DKK2: variants seen among roughly 807,000 people sequenced by gnomAD.
DKK2 encodes the protein dickkopf-related protein 2.
DKK2 carries 11 observed loss-of-function variants against 28.1 expected under a neutral mutation model. That is an observed-to-expected ratio of 0.39 (90% CI 0.25 to 0.65). DKK2 has a LOEUF of 0.65. Ranked by LOEUF, DKK2 falls within the 30% of genes least tolerant of loss-of-function variation. The pLI is 0.47. For synonymous variants in DKK2, 135 were observed against 126.5 expected, an observed-to-expected ratio of 1.07 and a Z score of -0.45; for missense variants, 326 against 335.5, an observed-to-expected ratio of 0.97 and a Z score of 0.22.
intron 1 of DKK2, among the ~76,000 whole-genome samples, chr4:107,021,311 T>C (rs1477860798): frequency 1.3e-5 from 2 of 152,046 alleles, no homozygotes; most frequent in African/African-American, 2.4e-5. Flanking sequence ...GATGTTTTTA[T>C]GGCCCTAAAG....
At chr4:106,981,554 C>T (rs1412786503) in intron 1 of DKK2, among the ~76,000 whole-genome samples, 3 of 152,102 alleles carry the variant, frequency 2.0e-5, no homozygotes, top group Non-Finnish European at 4.4e-5. Flanking sequence ...AACTATAATG[C>T]CAAATTAGTC....
intron 1 of DKK2, among the ~76,000 whole-genome samples, chr4:106,980,833 A>C (rs1358144772): frequency 6.6e-6 from 1 of 152,194 alleles, no homozygotes; most frequent in Non-Finnish European, 1.5e-5. Context: ...GAGAATGAAC[A>C]ATCTATAAAG....
intron 1 of DKK2, among the ~76,000 whole-genome samples, chr4:106,949,539 G>C (rs1431956160): frequency 6.6e-6 from 1 of 152,166 alleles, no homozygotes; most frequent in Non-Finnish European, 1.5e-5. Context: ...AAGCAAGAGA[G>C]AATATTTTGT....
intron 1 of DKK2, among the ~76,000 whole-genome samples, chr4:106,926,734 T>C (rs1331971652): frequency 6.6e-6 from 1 of 152,108 alleles, no homozygotes; most frequent in African/African-American, 2.4e-5. Context: ...TACCTAGGGG[T>C]ATGTCCAGAA....
At chr4:106,966,360 C>T (rs114110488) in intron 1 of DKK2, among the ~76,000 whole-genome samples, 3,966 of 152,166 alleles carry the variant, frequency 0.026, 62 homozygotes, top group Non-Finnish European at 0.037. Context: ...AGTTTACAGA[C>T]AAGTGTGTAA....
At chr4:106,939,554 A>G (rs1724658872) in intron 1 of DKK2, among the ~76,000 whole-genome samples, 1 of 152,232 alleles carries the variant, frequency 6.6e-6, no homozygotes, top group Non-Finnish European at 1.5e-5. Flanking sequence ...TACAGATTCA[A>G]TGCCATCCCC....
At chr4:107,002,009 ACAT>A (rs1723366822) in intron 1 of DKK2, among the ~76,000 whole-genome samples, 1 of 152,208 alleles carries the variant, frequency 6.6e-6, no homozygotes, top group African/African-American at 2.4e-5. Flanking sequence ...GACAACAAAT[ACAT>A]CCACCCAATC....
intron 1 of DKK2, among the ~76,000 whole-genome samples, chr4:106,927,237 T>C (rs1724437578): frequency 6.6e-6 from 1 of 152,090 alleles, no homozygotes; most frequent in Admixed American, 6.5e-5. Context: ...GCTCATGTCT[T>C]TTTTTCCTTT....
intron 1 of DKK2, among the ~76,000 whole-genome samples, chr4:106,971,906 G>C (rs1243307879): frequency 6.6e-6 from 1 of 152,016 alleles, no homozygotes; most frequent in Non-Finnish European, 1.5e-5. Flanking sequence ...GGGTGGCCTA[G>C]TTGGCATCCT....
chr4:106,947,119 A>T (rs1000244099), intron 1 of DKK2, among the ~76,000 whole-genome samples: 1 of 152,174 alleles, frequency 6.6e-6, no homozygotes, highest in African/African-American at 2.4e-5. Flanking sequence ...TTCAGGGACC[A>T]CACAGGAACT....
chr4:106,941,556 G>C (rs541681047), intron 1 of DKK2, among the ~76,000 whole-genome samples: 1 of 152,070 alleles, frequency 6.6e-6, no homozygotes, highest in Non-Finnish European at 1.5e-5. Flanking sequence ...TCTTTGGACT[G>C]TTCAGTTGTC....
intron 1 of DKK2, 126 bp downstream of exon 1, chr4:107,035,244 C>T: frequency 8.6e-7 from 1 of 1,168,854 alleles, no homozygotes; most frequent in Non-Finnish European, 1.2e-6. Context: ...AATCCCTCCC[C>T]AGCCGCCTGT....
At chr4:106,979,226 T>C (rs1722992380) in intron 1 of DKK2, among the ~76,000 whole-genome samples, 1 of 152,078 alleles carries the variant, frequency 6.6e-6, no homozygotes, top group African/African-American at 2.4e-5. Flanking sequence ...TAGGATATTA[T>C]ATTCATATAT....
chr4:107,000,842 A>C (rs62314195), intron 1 of DKK2, among the ~76,000 whole-genome samples: 5,342 of 152,224 alleles, frequency 0.035, 124 homozygotes, highest in Middle Eastern at 0.092. Context: ...ATGGCCATAC[A>C]ACTAGGAAGT....
chr4:107,020,530 A>G (rs1384338726), intron 1 of DKK2, among the ~76,000 whole-genome samples: 3 of 152,082 alleles, frequency 2.0e-5, no homozygotes, highest in African/African-American at 7.2e-5. Flanking sequence ...CTTAATTTTA[A>G]TAAGACAGGT....
At chr4:106,956,556 A>G (rs1722593975) in intron 1 of DKK2, among the ~76,000 whole-genome samples, 1 of 152,202 alleles carries the variant, frequency 6.6e-6, no homozygotes, top group African/African-American at 2.4e-5. Flanking sequence ...AAACGGAGAT[A>G]TAGATCAATG....
At chr4:107,014,223 G>C (rs1723558210) in intron 1 of DKK2, among the ~76,000 whole-genome samples, 1 of 151,400 alleles carries the variant, frequency 6.6e-6, no homozygotes, top group Non-Finnish European at 1.5e-5. Context: ...ATAGTCAAGA[G>C]ATGGAATCAA....
chr4:106,957,831 C>A (rs1722619892), intron 1 of DKK2, among the ~76,000 whole-genome samples: 1 of 148,974 alleles, frequency 6.7e-6, no homozygotes, highest in Non-Finnish European at 1.5e-5. Flanking sequence ...TGCAGCACAC[C>A]AGCATGGCAC....
chr4:106,998,687 A>C (rs1448047245), intron 1 of DKK2, among the ~76,000 whole-genome samples: 1 of 152,238 alleles, frequency 6.6e-6, no homozygotes, highest in African/African-American at 2.4e-5. Flanking sequence ...AATAAGTCTT[A>C]TATGAATAGC....
Sources: gnomAD v4.1 joint callset for allele counts (sites outside exome capture counted in the v4.1 genomes callset) on GRCh38, gnomAD v4.1.1 for gene constraint, MANE v1.5 for transcripts, NCBI Gene and HGNC (gene_info 2026-07-23, HGNC 2026-07-21) for gene names.